Variants in ERC1 observed in about 807,000 individuals in gnomAD.
ERC1 encodes RAB6 interacting protein 2.
A neutral mutation model predicts 132.0 loss-of-function variants in ERC1; 56 were observed. The ratio of observed to expected loss-of-function variants is 0.42; its 90% CI spans 0.34 to 0.53. ERC1 has a LOEUF of 0.53. Among genes scored for constraint, ERC1 ranks in the 20% least tolerant of loss-of-function variants. ERC1 has a pLI of 0.03. For missense variants in ERC1, 1,202 were observed against 1,349.9 expected (o/e 0.89, Z 1.72); for synonymous variants, 478 against 476.1 (o/e 1.00, Z -0.05).
chr12:1,452,360 A>G (rs1210454054), intron 18 of ERC1, among the ~76,000 whole-genome samples: 3 of 152,078 alleles, frequency 2.0e-5, no homozygotes, highest in African/African-American at 7.2e-5. Flanking sequence ...GGCTTTCAAA[A>G]TATTCTCTTT....
At chr12:1,358,216 C>CA (rs546951526) in intron 15 of ERC1, among the ~76,000 whole-genome samples, 8,511 of 61,400 alleles carry the variant, frequency 0.14, 466 homozygotes, top group African/African-American at 0.27. Flanking sequence ...CTTGTCTGTT[C>CA]AAAAAAAAAA....
intron 1 of ERC1, among the ~76,000 whole-genome samples, chr12:996,945 G>A (rs1961050011): frequency 6.6e-6 from 1 of 152,088 alleles, no homozygotes; most frequent in African/African-American, 2.4e-5. Flanking sequence ...TTTGAGAAGG[G>A]TCTTGGTCTG....
At chr12:1,170,789 C>T (rs1484212578) in intron 8 of ERC1, among the ~76,000 whole-genome samples, 2 of 152,166 alleles carry the variant, frequency 1.3e-5, no homozygotes, top group East Asian at 1.9e-4. Context: ...TGTCAAGGAA[C>T]TTTCTTTCCT....
At chr12:1,281,440 T>A (rs986519903) in intron 14 of ERC1, among the ~76,000 whole-genome samples, 1 of 152,206 alleles carries the variant, frequency 6.6e-6, no homozygotes. Context: ...TAGACATTTG[T>A]CACAAACCCT....
At position 1,388,331 on chromosome 12, in the gene ERC1, CAGA is replaced by C. The variant is rs574642659; in HGVS notation, c.2925+16355_2925+16357del. ...CGCCACCGCACTCCAGCCTGGGTGA[CAGA>C]GACTCTGTCTCAAAAAAAAAAAAAA... On this transcript the variant is annotated intron_variant, in intron 16 of 18. Coordinates refer to ENST00000360905, the MANE Select transcript of ERC1 (RefSeq NM_178040.4). Among the ~76,000 whole-genome samples, 58 of 122,382 alleles carry C rather than the reference CAGA, an allele frequency of 4.7e-4. 1 individual carries two copies. The highest frequency in any genetic ancestry group is 3.8e-3 in the East Asian group (17 of 4,448). The allele number at this position is 122,382 out of a possible 152,430, so 80.3% of individuals were successfully genotyped here.
intron 12 of ERC1, among the ~76,000 whole-genome samples, chr12:1,222,323 G>C (rs766109551): frequency 6.6e-5 from 10 of 151,458 alleles, no homozygotes; most frequent in Non-Finnish European, 1.3e-4. Flanking sequence ...TCCGTTTCCT[G>C]GGTTCAAGCA....
chr12:994,093 A>T (rs1209361186), intron 1 of ERC1, among the ~76,000 whole-genome samples: 1 of 149,966 alleles, frequency 6.7e-6, no homozygotes, highest in African/African-American at 2.4e-5. Context: ...AAAAAAAAAA[A>T]AAGTGAAGGT....
At chr12:1,106,555 G>C (rs952210692) in intron 4 of ERC1, among the ~76,000 whole-genome samples, 1 of 151,784 alleles carries the variant, frequency 6.6e-6, no homozygotes, top group African/African-American at 2.4e-5. Context: ...CTTTATTCTC[G>C]GTGGGGAAAG....
At chr12:1,138,186 CATATATAATTATATATGATAT>C (rs1469573658) in intron 7 of ERC1, among the ~76,000 whole-genome samples, 1 of 102,276 alleles carries the variant, frequency 9.8e-6, no homozygotes, top group Non-Finnish European at 1.7e-5. Context: ...TAATATATAT[CATATATAATTATATATGATAT>C]ATATTATATA....
At chr12:1,127,381 A>G (rs1321325160) in intron 7 of ERC1, among the ~76,000 whole-genome samples, 1 of 152,200 alleles carries the variant, frequency 6.6e-6, no homozygotes, top group Non-Finnish European at 1.5e-5. Flanking sequence ...TAAAAGCAGC[A>G]TAAGTGTTTA....
chr12:1,354,328 A>G (rs2085317335), intron 15 of ERC1, among the ~76,000 whole-genome samples: 1 of 152,118 alleles, frequency 6.6e-6, no homozygotes, highest in Non-Finnish European at 1.5e-5. Flanking sequence ...GTTCGAGACC[A>G]GCCTAGCCGA....
intron 2 of ERC1, among the ~76,000 whole-genome samples, chr12:1,075,606 G>A (rs1042292000): frequency 2.0e-5 from 3 of 152,056 alleles, no homozygotes; most frequent in African/African-American, 7.2e-5. Context: ...CAGGAGAATC[G>A]TTTGAACCTG....
At chr12:1,207,525 G>A (rs907518687) in intron 12 of ERC1, among the ~76,000 whole-genome samples, 1 of 152,082 alleles carries the variant, frequency 6.6e-6, no homozygotes, top group Non-Finnish European at 1.5e-5. Context: ...ATAGTGCCTA[G>A]TGTTTTTGTA....
intron 7 of ERC1, among the ~76,000 whole-genome samples, chr12:1,138,594 G>A (rs1188809193): frequency 6.6e-6 from 1 of 151,866 alleles, no homozygotes; most frequent in Non-Finnish European, 1.5e-5. Context: ...TGAAAGATGT[G>A]TTCAGTAGGC....
chr12:1,049,105 G>A (rs1971505493), intron 2 of ERC1, among the ~76,000 whole-genome samples: 1 of 152,198 alleles, frequency 6.6e-6, no homozygotes, highest in African/African-American at 2.4e-5. Context: ...AAAAAAACCT[G>A]GCAGGCCAGA....
chr12:1,302,862 C>T (rs933771683), intron 15 of ERC1, among the ~76,000 whole-genome samples: 3 of 152,098 alleles, frequency 2.0e-5, no homozygotes, highest in Non-Finnish European at 4.4e-5. Flanking sequence ...ACTCGGGAGG[C>T]TGAGGCAGGA....
At chr12:1,016,627 TTTC>T (rs1965546938) in intron 1 of ERC1, among the ~76,000 whole-genome samples, 1 of 147,176 alleles carries the variant, frequency 6.8e-6, no homozygotes. Context: ...GATCAGTGCT[TTTC>T]TTTTCTTTTT....
At chr12:1,358,413 A>G (rs924796763) in intron 15 of ERC1, among the ~76,000 whole-genome samples, 3 of 152,156 alleles carry the variant, frequency 2.0e-5, no homozygotes, top group Non-Finnish European at 4.4e-5. Flanking sequence ...TTCTTTTTAT[A>G]TACTTATTGG....
chr12:1,187,761 G>A lies in ERC1; in HGVS notation c.2158-2098G>A, dbSNP rs564578492. Among the ~76,000 whole-genome samples, 3 of 152,192 alleles carry A rather than the reference G, an allele frequency of 2.0e-5. No homozygotes were observed. In the South Asian group the frequency reaches 6.2e-4, roughly 32 times the overall value. Reference sequence around the variant, plus strand: ...CTACAAATAATTGAGTTTTTACTCTGTCAGTTACCACACTGTGCACTGAGG... The same window carrying A: ...CTACAAATAATTGAGTTTTTACTCTATCAGTTACCACACTGTGCACTGAGG... On this transcript the variant is annotated intron_variant, in intron 11 of 18. Coordinates refer to ENST00000360905, the MANE Select transcript of ERC1 (RefSeq NM_178040.4).
Sources: gnomAD v4.1 joint callset for allele counts (sites outside exome capture counted in the v4.1 genomes callset) on GRCh38, gnomAD v4.1.1 for gene constraint, MANE v1.5 for transcripts, NCBI Gene and HGNC (gene_info 2026-07-23, HGNC 2026-07-21) for gene names.